METTL15: variants seen among roughly 807,000 people sequenced by gnomAD.
METTL15 encodes the protein 12S rRNA N(4)-cytidine methyltransferase METTL15.
In METTL15, 34 loss-of-function variants were observed where a neutral mutation model predicts 38.3. The ratio of observed to expected loss-of-function variants is 0.89; its 90% CI spans 0.68 to 1.18. METTL15 has a LOEUF of 1.18. METTL15 is among the 50% of genes most tolerant of loss of function. The pLI is 0.00. For missense variants in METTL15, 438 were observed against 498.4 expected, an observed-to-expected ratio of 0.88 and a Z score of 1.15; for synonymous variants, 162 against 170.9, an observed-to-expected ratio of 0.95 and a Z score of 0.41.
intron 5 of METTL15, among the ~76,000 whole-genome samples, chr11:28,394,406 T>C (rs1850546936): frequency 6.6e-6 from 1 of 152,140 alleles, no homozygotes; most frequent in South Asian, 2.1e-4. Context: ...CTAATGGTCA[T>C]ATTCAGTCAT....
chr11:28,454,981 C>T (rs527833526), intron 6 of METTL15, among the ~76,000 whole-genome samples: 20 of 152,162 alleles, frequency 1.3e-4, no homozygotes, highest in East Asian at 5.8e-4. Flanking sequence ...TGCCTTAAAA[C>T]GAGGCAGAGA....
At chr11:28,176,746 CCTTAGCT>C (rs1851090940) in intron 3 of METTL15, among the ~76,000 whole-genome samples, 1 of 152,066 alleles carries the variant, frequency 6.6e-6, no homozygotes, top group South Asian at 2.1e-4. Flanking sequence ...TAGCAGTTGA[CCTTAGCT>C]CTGTGAGATT....
chr11:28,324,731 T>C (rs1023829903), intron 6 of METTL15, among the ~76,000 whole-genome samples: 2 of 152,210 alleles, frequency 1.3e-5, no homozygotes, highest in South Asian at 2.1e-4. Context: ...TAGTCACTTA[T>C]TGATATGACC....
At chr11:28,326,542 C>T (rs1379383008) in intron 6 of METTL15, among the ~76,000 whole-genome samples, 1 of 151,956 alleles carries the variant, frequency 6.6e-6, no homozygotes, top group African/African-American at 2.4e-5. Context: ...TTTGTTCTTA[C>T]TACTTTAATT....
chr11:28,132,937 T>C (rs1203525676), intron 3 of METTL15, among the ~76,000 whole-genome samples: 1 of 152,198 alleles, frequency 6.6e-6, no homozygotes, highest in African/African-American at 2.4e-5. Context: ...TTTTGAGTTT[T>C]AATTTTTATC....
At chr11:28,208,586 A>G (rs540195367) in intron 3 of METTL15, among the ~76,000 whole-genome samples, 96 of 151,884 alleles carry the variant, frequency 6.3e-4, no homozygotes, top group African/African-American at 1.6e-3. Flanking sequence ...TGTATATTCT[A>G]TTGATTTGGG....
chr11:28,435,100 GC>G (rs1277785624), intron 6 of METTL15, among the ~76,000 whole-genome samples: 2 of 152,180 alleles, frequency 1.3e-5, no homozygotes, highest in Non-Finnish European at 2.9e-5. Flanking sequence ...TCCATAGTCT[GC>G]CTTCAGGGCA....
chr11:28,131,104 A>G (rs1040553960), intron 3 of METTL15, among the ~76,000 whole-genome samples: 1 of 151,720 alleles, frequency 6.6e-6, no homozygotes, highest in Non-Finnish European at 1.5e-5. Context: ...GTCTAAACAC[A>G]TTTTCAGAAT....
intron 6 of METTL15, among the ~76,000 whole-genome samples, chr11:28,456,190 T>C (rs566857001): frequency 3.5e-4 from 52 of 149,596 alleles, no homozygotes; most frequent in Non-Finnish European, 6.7e-4. Context: ...AAAAAATTTT[T>C]GTAGAGATGG....
At chr11:28,288,346 G>A (rs1221729327) in intron 4 of METTL15, among the ~76,000 whole-genome samples, 1 of 152,064 alleles carries the variant, frequency 6.6e-6, no homozygotes, top group South Asian at 2.1e-4. Flanking sequence ...TTGTTGTATT[G>A]TAAAGACACA....
At chr11:28,426,081 T>A (rs1050901884) in intron 6 of METTL15, among the ~76,000 whole-genome samples, 1 of 152,156 alleles carries the variant, frequency 6.6e-6, no homozygotes, top group East Asian at 1.9e-4. Context: ...CTATTCTTCC[T>A]AATGCTCTTC....
intron 6 of METTL15, among the ~76,000 whole-genome samples, chr11:28,488,999 C>T (rs1851459753): frequency 6.6e-6 from 1 of 152,112 alleles, no homozygotes; most frequent in South Asian, 2.1e-4. Context: ...CTTCTTTTAC[C>T]TTACCCACAG....
At chr11:28,128,325 A>C (rs148988265) in intron 3 of METTL15, among the ~76,000 whole-genome samples, 2 of 152,148 alleles carry the variant, frequency 1.3e-5, no homozygotes, top group Non-Finnish European at 2.9e-5. Context: ...TTCATATTCT[A>C]TAAGAATGTT....
At chr11:28,469,559 T>C (rs1215745705) in intron 6 of METTL15, among the ~76,000 whole-genome samples, 1 of 152,186 alleles carries the variant, frequency 6.6e-6, no homozygotes, top group Non-Finnish European at 1.5e-5. Flanking sequence ...ACTGGTTGTG[T>C]GCCCTTGGGA....
chr11:28,321,603 A>G (rs945523813), intron 6 of METTL15, among the ~76,000 whole-genome samples: 3 of 152,134 alleles, frequency 2.0e-5, no homozygotes, highest in Non-Finnish European at 2.9e-5. Context: ...ATTTTACACA[A>G]ATAAATTTAC....
chr11:28,375,842 G>A (rs376667352), intron 5 of METTL15, among the ~76,000 whole-genome samples: 10 of 151,462 alleles, frequency 6.6e-5, no homozygotes, highest in East Asian at 5.8e-4. Context: ...CTTTGAATGC[G>A]TCCCAGAGAT....
intron 5 of METTL15, among the ~76,000 whole-genome samples, chr11:28,399,726 T>C (rs929256618): frequency 1.4e-4 from 21 of 151,952 alleles, no homozygotes; most frequent in African/African-American, 5.1e-4. Context: ...ACTATCAAAA[T>C]GCATTTCCTT....
At chr11:28,257,040 G>A (rs1348698997) in intron 4 of METTL15, among the ~76,000 whole-genome samples, 5 of 151,834 alleles carry the variant, frequency 3.3e-5, no homozygotes, top group African/African-American at 9.7e-5. Flanking sequence ...TTTTCTTTCC[G>A]ATTGAAGTAC....
intron 6 of METTL15, among the ~76,000 whole-genome samples, chr11:28,303,307 A>G (rs1364819302): frequency 6.6e-6 from 1 of 152,302 alleles, no homozygotes; most frequent in East Asian, 1.9e-4. Flanking sequence ...AATAGTTATG[A>G]TAATAATCAT....
Sources: gnomAD v4.1 joint callset for allele counts (sites outside exome capture counted in the v4.1 genomes callset) on GRCh38, gnomAD v4.1.1 for gene constraint, MANE v1.5 for transcripts, NCBI Gene and HGNC (gene_info 2026-07-23, HGNC 2026-07-21) for gene names.